STON1: variants seen among roughly 807,000 people sequenced by gnomAD.
STON1 encodes the protein stonin 1, also known as stonin-1.
A neutral mutation model predicts 60.9 loss-of-function variants in STON1; 79 were observed. The observed-to-expected ratio is 1.30, with a 90% CI of 1.08 to 1.56. The LOEUF is 1.56. Among genes scored for constraint, STON1 ranks in the 40% most tolerant of loss-of-function variants. The probability of loss-of-function intolerance (pLI) is 0.00; values close to 1 mark genes in which losing one functional copy is unlikely to be tolerated. For missense variants in STON1, 1,166 were observed against 858.9 expected, an observed-to-expected ratio of 1.36 and a Z score of -4.47; for synonymous variants, 363 against 306.9, an observed-to-expected ratio of 1.18 and a Z score of -1.91.
Position 48,586,963 on chromosome 2 carries a change from T to G in STON1, c.1930+4400T>G, listed in dbSNP as rs372680439. ...AGGGAGGGAATGGGACAAGGTCAGG[T>G]GCTCTGGCTGTGGTGGATAGGTGGG... is the stretch of plus-strand genomic sequence containing the variant. On this transcript the variant is annotated intron_variant, in intron 2 of 3. Transcript: ENST00000404752. 1.4e-4 allele frequency among the ~76,000 whole-genome samples: 21 copies of G among 152,236 alleles called. No individual in the cohort carries two copies. In the South Asian group the frequency reaches 2.5e-3, roughly 18 times the overall value.
chr2:48,535,119 C>G (rs1035097637), intron 1 of STON1, among the ~76,000 whole-genome samples: 1 of 151,978 alleles, frequency 6.6e-6, no homozygotes, highest in Non-Finnish European at 1.5e-5. Context: ...TTCTTTGCAG[C>G]GTCAGGAGAG....
intron 2 of STON1, 60 bp from the exon 3 acceptor site, chr2:48,591,593 C>G: frequency 1.3e-6 from 2 of 1,583,258 alleles, no homozygotes; most frequent in Non-Finnish European, 1.7e-6. Flanking sequence ...CTTTTATGTT[C>G]AAGAGAAATG....
At position 48,580,847 on chromosome 2, in the gene STON1, A is replaced by G; in HGVS notation, c.214A>G (p.Ser72Gly). ...CTCCCCCATTGTAGATTTTTATTTCAGTCCAGGACCTCCAAGTAACTCTCC... is the reference window on the plus strand; with the variant it reads ...CTCCCCCATTGTAGATTTTTATTTCGGTCCAGGACCTCCAAGTAACTCTCC... The part of the protein sequence containing the change: ...LSSPIVDFYF[S>G]PGPPSNSPLS... Residue 72 changes from serine to glycine, a missense_variant, in exon 2 of 4, where the codon AGT becomes GGT. Coordinates refer to ENST00000404752, the MANE Select transcript of STON1 (RefSeq NM_006873.4). The G allele has an allele frequency of 1.3e-6, 2 of 1,545,618 alleles. No individual in the cohort carries two copies. The highest frequency in any genetic ancestry group is 1.7e-6 in the Non-Finnish European group (2 of 1,151,398).
chr2:48,567,177 T>G (rs1354084570), intron 1 of STON1, among the ~76,000 whole-genome samples: 4 of 152,228 alleles, frequency 2.6e-5, no homozygotes, highest in Non-Finnish European at 5.9e-5. Flanking sequence ...TTATTCCCTG[T>G]CACATAGCTG....
At chr2:48,531,103 T>G (rs746752823) in intron 1 of STON1, 2 of 152,244 alleles carry the variant, frequency 1.3e-5, no homozygotes, top group Non-Finnish European at 2.9e-5. Flanking sequence ...TTGACTTCAG[T>G]CCACACTCGA....
intron 2 of STON1, among the ~76,000 whole-genome samples, chr2:48,583,942 G>T (rs6742725): frequency 0.32 from 48,736 of 151,340 alleles, 7,987 homozygotes; most frequent in East Asian, 0.42. Context: ...GTAGAGACAG[G>T]GTTTCACCAT....
chr2:48,552,786 T>G (rs1037148198), intron 1 of STON1, among the ~76,000 whole-genome samples: 1 of 151,890 alleles, frequency 6.6e-6, no homozygotes, highest in African/African-American at 2.4e-5. Context: ...CAAATAATAA[T>G]AATAACTAAA....
intron 1 of STON1, among the ~76,000 whole-genome samples, chr2:48,555,360 C>T (rs1374193473): frequency 2.0e-4 from 10 of 49,108 alleles, no homozygotes; most frequent in Admixed American, 5.2e-4. Context: ...GGCGGCTGGC[C>T]GGGCAGAGGG....
At chr2:48,591,885 C>G in intron 3 of STON1, 30 bp downstream of exon 3, 1 of 1,607,164 alleles carries the variant, frequency 6.2e-7, no homozygotes, top group Non-Finnish European at 8.5e-7. Context: ...GAACTGTGAC[C>G]TGATTTGGCT....
At chr2:48,572,107 G>T (rs1323950231) in intron 1 of STON1, among the ~76,000 whole-genome samples, 1 of 152,306 alleles carries the variant, frequency 6.6e-6, no homozygotes, top group South Asian at 2.1e-4. Context: ...AGGTTGCAGT[G>T]AGCCAAGATC....
At chr2:48,574,658 A>G (rs1673377701) in intron 1 of STON1, among the ~76,000 whole-genome samples, 1 of 152,204 alleles carries the variant, frequency 6.6e-6, no homozygotes, top group Non-Finnish European at 1.5e-5. Flanking sequence ...TTGATAAACG[A>G]GATTGTGAAT....
At chr2:48,570,359 T>C (rs919842455) in intron 1 of STON1, among the ~76,000 whole-genome samples, 1 of 151,914 alleles carries the variant, frequency 6.6e-6, no homozygotes. Context: ...AGAATTCCAA[T>C]ATGATTTCTT....
At chr2:48,552,776 CAAAT>C (rs1051048348) in intron 1 of STON1, among the ~76,000 whole-genome samples, 10 of 151,870 alleles carry the variant, frequency 6.6e-5, no homozygotes, top group African/African-American at 2.2e-4. Context: ...TCTCAAAAAA[CAAAT>C]AATAATAATA....
At position 48,597,125 on chromosome 2, in the gene STON1, T is replaced by G. The variant is rs191884945; in HGVS notation, c.*1823T>G. 6.6e-6 allele frequency: 1 copy of G among 152,392 alleles called. No individual in the cohort carries two copies. Among genetic ancestry groups the G allele is most frequent in the East Asian group, 1.9e-4 (1 of 5,190 alleles). The allele number at this position is 152,392 out of a possible 1,614,324, so 9.4% of individuals were successfully genotyped here. A position where few individuals can be genotyped will look rare whatever the true frequency, so the allele number is the denominator to read the frequency against. On this transcript the variant is annotated 3_prime_UTR_variant, in exon 4 of 4. Transcript: ENST00000404752. ...GCCTCGGCCTCCCAAAGTTCTGGGA[T>G]TAAATGCGTGAGCCACCATGCCCGG...
intron 1 of STON1, among the ~76,000 whole-genome samples, chr2:48,564,522 C>A (rs1672812868): frequency 2.8e-5 from 1 of 36,224 alleles, no homozygotes; most frequent in African/African-American, 1.1e-4. Context: ...TCTTCTTCTT[C>A]TTCTTCTTCT....
At chr2:48,530,412 G>T (rs1408412635) in intron 1 of STON1, 196 bp downstream of exon 1, 1 of 229,804 alleles carries the variant, frequency 4.4e-6, no homozygotes, top group South Asian at 5.3e-5. Context: ...CAGAGGGATG[G>T]CCTCCCGGCA....
At chr2:48,564,833 A>G (rs1418996404) in intron 1 of STON1, among the ~76,000 whole-genome samples, 4 of 143,488 alleles carry the variant, frequency 2.8e-5, no homozygotes, top group Non-Finnish European at 6.0e-5. Flanking sequence ...CCTGGGTCCA[A>G]GTGATTCTCC....
In STON1 at chr2:48,549,728, C is replaced by T. The variant is rs544724533; in HGVS notation, c.-48+19512C>T. 8.3e-5 allele frequency among the ~76,000 whole-genome samples: 12 copies of T among 144,542 alleles called. No homozygotes were observed. In the South Asian group the frequency reaches 2.6e-3, roughly 31 times the overall value. The allele number at this position is 144,542 out of a possible 152,430, so 94.8% of individuals were successfully genotyped here. On this transcript the variant is annotated intron_variant, in intron 1 of 3. Transcript: ENST00000404752. ...TTGGGAAGCTGAGGCAGGAGAATGG[C>T]TTGAACTCAGGGGGACAGAGGTTGC...
rs1302526427 is a variant in STON1, at chr2:48,558,562, T to C, written c.-47-22025T>C. On this transcript the variant is annotated intron_variant, in intron 1 of 3. Coordinates refer to ENST00000404752, the MANE Select transcript of STON1 (RefSeq NM_006873.4). The stretch of plus-strand genomic sequence containing the variant: ...GAGAAGAGATCTGCCATAGCTATGA[T>C]CACAGTGTGTGTAATTGGATTTTGT... 2.6e-5 allele frequency among the ~76,000 whole-genome samples: 4 copies of C among 152,234 alleles called. No individual in the cohort carries two copies. The East Asian group carries it at 5.8e-4, about 22-fold the overall frequency.
Sources: gnomAD v4.1 joint callset for allele counts (sites outside exome capture counted in the v4.1 genomes callset) on GRCh38, gnomAD v4.1.1 for gene constraint, MANE v1.5 for transcripts, NCBI Gene and HGNC (gene_info 2026-07-23, HGNC 2026-07-21) for gene names.